CDH22: variants seen among roughly 807,000 people sequenced by gnomAD.
The protein encoded by CDH22 is cadherin 22, also known as cadherin-22.
CDH22 carries 30 observed loss-of-function variants against 58.4 expected under a neutral mutation model. The ratio of observed to expected loss-of-function variants is 0.51; its 90% CI spans 0.38 to 0.70. The LOEUF (loss-of-function observed/expected upper bound fraction) is 0.70. CDH22 is among the 30% of genes least tolerant of loss of function. The pLI is 0.00. For missense variants in CDH22, 1,014 were observed against 1,233.9 expected (o/e 0.82, Z 2.67); for synonymous variants, 513 against 558.2 (o/e 0.92, Z 1.14).
intron 3 of CDH22, among the ~76,000 whole-genome samples, chr20:46,229,145 G>T (rs1304206544): frequency 6.6e-6 from 1 of 152,130 alleles, no homozygotes; most frequent in East Asian, 1.9e-4. Flanking sequence ...GTGCCCAGGG[G>T]TCTCCTACTC....
Position 46,240,135 on chromosome 20 carries a change from C to T in CDH22, c.550+828G>A, listed in dbSNP as rs192615011. On this transcript the variant is annotated intron_variant, in intron 3 of 11. Coordinates refer to ENST00000537909, the MANE Select transcript of CDH22 (RefSeq NM_021248.3). ...GCTGGATCTCGGTGAGCTGTGGCTT[C>T]CTCTGGGCTGTAGACAGAGCTGCCT... 2.4e-3 allele frequency among the ~76,000 whole-genome samples: 368 copies of T among 152,008 alleles called. 1 individual carries two copies. The highest frequency in any genetic ancestry group is 8.4e-3 in the African/African-American group (347 of 41,432).
intron 3 of CDH22, among the ~76,000 whole-genome samples, chr20:46,240,474 G>C (rs1227264531): frequency 2.6e-5 from 4 of 152,126 alleles, no homozygotes; most frequent in Admixed American, 6.5e-5. Flanking sequence ...GGGCTGCGCT[G>C]TGTCTATGTG....
Position 46,300,483 on chromosome 20 carries a change from C to T in CDH22, c.-400+7772G>A, listed in dbSNP as rs937862662. Among the ~76,000 whole-genome samples the T allele has an allele frequency of 6.6e-6, 1 of 152,216 alleles. No individual in the cohort carries two copies. Among genetic ancestry groups the T allele is most frequent in the African/African-American group, 2.4e-5 (1 of 41,452 alleles). On this transcript the variant is annotated intron_variant, in intron 1 of 11. Coordinates refer to ENST00000537909, the MANE Select transcript of CDH22 (RefSeq NM_021248.3). The surrounding 1 kb of genome is among the most constrained non-coding windows in gnomAD (Gnocchi z 4.4). Reference sequence around the variant, plus strand: ...CCTGTCACTCTGCCCATCACACACACAAGCGCGCGTGTGCGTGCGCGTGCA... The same window carrying T: ...CCTGTCACTCTGCCCATCACACACATAAGCGCGCGTGTGCGTGCGCGTGCA...
intron 5 of CDH22, among the ~76,000 whole-genome samples, chr20:46,214,152 G>A (rs2145692947): frequency 6.6e-6 from 1 of 152,288 alleles, no homozygotes; most frequent in Non-Finnish European, 1.5e-5. Flanking sequence ...GGTGGGTGCT[G>A]TGCCTGGCAT....
rs1382942473 is a variant in CDH22 at position 46,270,901 on chromosome 20, G to A, written c.-399-19208C>T. On this transcript the variant is annotated intron_variant, in intron 1 of 11. Transcript: ENST00000537909. ...CTACCAAATGTGTGACCTCAGGCAG[G>A]CCACCTCATCTCTCTGAGCCTCAGT... Among the ~76,000 whole-genome samples the A allele has an allele frequency of 3.3e-5, 5 of 152,352 alleles. No individual in the cohort carries two copies. In the South Asian group the frequency reaches 1.0e-3, roughly 32 times the overall value.
chr20:46,188,396 T>G (rs2085841323), intron 8 of CDH22, among the ~76,000 whole-genome samples: 1 of 152,200 alleles, frequency 6.6e-6, no homozygotes, highest in Admixed American at 6.5e-5. Context: ...GGTCTAATAT[T>G]GACCCAATTA....
At chr20:46,257,365 G>A (rs942190212) in intron 1 of CDH22, among the ~76,000 whole-genome samples, 1 of 152,106 alleles carries the variant, frequency 6.6e-6, no homozygotes, top group Non-Finnish European at 1.5e-5. Flanking sequence ...GTTGGGAGGA[G>A]CCTATGGCAA....
intron 1 of CDH22, among the ~76,000 whole-genome samples, chr20:46,278,725 A>C (rs2086533844): frequency 6.6e-6 from 1 of 152,098 alleles, no homozygotes; most frequent in African/African-American, 2.4e-5. Context: ...CTAGGACTAC[A>C]AGTGCGTGCC....
In CDH22 at chr20:46,247,086, G is replaced by T. The variant is rs2086335499; in HGVS notation, c.255+3954C>A. The stretch of plus-strand genomic sequence containing the variant: ...TGGTAAGAAACTATACTGTTAGGTT[G>T]CCAAAAAGACTTTTTGGGATTTGGG... On this transcript the variant is annotated intron_variant, in intron 2 of 11. Transcript: ENST00000537909. Among the ~76,000 whole-genome samples the T allele has an allele frequency of 2.6e-5, 4 of 152,098 alleles. No homozygotes were observed. In the South Asian group the frequency reaches 8.3e-4, roughly 32 times the overall value.
chr20:46,196,906 C>T (rs983022315), intron 8 of CDH22, among the ~76,000 whole-genome samples: 1 of 152,208 alleles, frequency 6.6e-6, no homozygotes, highest in Non-Finnish European at 1.5e-5. Context: ...CTCTCTGAAG[C>T]AAAACCATTC....
chr20:46,215,103 T>C (rs896630784), intron 5 of CDH22, among the ~76,000 whole-genome samples: 5 of 152,228 alleles, frequency 3.3e-5, no homozygotes, highest in Non-Finnish European at 5.9e-5. Context: ...GAAAACAGTT[T>C]GGCTTTATTT....
intron 1 of CDH22, among the ~76,000 whole-genome samples, chr20:46,292,028 T>C (rs1025105310): frequency 3.3e-5 from 5 of 152,200 alleles, no homozygotes; most frequent in Admixed American, 3.3e-4. Flanking sequence ...CCCACCCCAA[T>C]GGAGAATGAC....
chr20:46,296,979 A>G (rs1413082360), intron 1 of CDH22, among the ~76,000 whole-genome samples: 1 of 152,084 alleles, frequency 6.6e-6, no homozygotes, highest in African/African-American at 2.4e-5. Context: ...AAGCCCACCC[A>G]TGGTACTAGG....
At chr20:46,261,357 A>G (rs1600720018) in intron 1 of CDH22, among the ~76,000 whole-genome samples, 1 of 152,322 alleles carries the variant, frequency 6.6e-6, no homozygotes, top group East Asian at 1.9e-4. Context: ...AGAGATCTTC[A>G]TCCACTCAGC....
intron 1 of CDH22, among the ~76,000 whole-genome samples, chr20:46,301,504 AAT>A (rs56771727): frequency 2.7e-5 from 4 of 150,014 alleles, no homozygotes; most frequent in East Asian, 2.0e-4. Flanking sequence ...CTATTAAAAA[AAT>A]ATATATATAT....
At chr20:46,294,094 T>C (rs564260509) in intron 1 of CDH22, among the ~76,000 whole-genome samples, 3 of 152,154 alleles carry the variant, frequency 2.0e-5, no homozygotes, top group Non-Finnish European at 4.4e-5. Context: ...TAGGGGTAGG[T>C]AGATATGCCT....
At chr20:46,268,719 G>A (rs897171023) in intron 1 of CDH22, among the ~76,000 whole-genome samples, 2 of 152,210 alleles carry the variant, frequency 1.3e-5, no homozygotes, top group South Asian at 2.1e-4. Flanking sequence ...TGGGCTTCAG[G>A]GGCCAAGGCC....
chr20:46,177,847 G>A, intron 11 of CDH22, 99 bp downstream of exon 11: 1 of 1,439,288 alleles, frequency 6.9e-7, no homozygotes, highest in African/African-American at 1.4e-5. Context: ...CTCATGTGGA[G>A]AGGGAAGCTG....
chr20:46,290,705 T>C (rs2086597554), intron 1 of CDH22, among the ~76,000 whole-genome samples: 1 of 151,212 alleles, frequency 6.6e-6, no homozygotes, highest in Non-Finnish European at 1.5e-5. Flanking sequence ...AGGGTGGAGA[T>C]GGGGAGGGAG....
Sources: gnomAD v4.1 joint callset for allele counts (sites outside exome capture counted in the v4.1 genomes callset) on GRCh38, gnomAD v4.1.1 for gene constraint, Gnocchi (gnomAD v3.1) non-coding constraint, MANE v1.5 for transcripts, NCBI Gene and HGNC (gene_info 2026-07-23, HGNC 2026-07-21) for gene names.